The following UBA2 variants were observed in gnomAD, a reference collection of about 807,000 sequenced individuals.
The protein encoded by UBA2 is SUMO-activating enzyme subunit 2.
In UBA2, 11 loss-of-function variants were observed where a neutral mutation model predicts 77.2. The observed-to-expected ratio is 0.14, with a 90% CI of 0.09 to 0.24. The LOEUF is 0.24. Ranked by LOEUF, UBA2 falls within the 10% of genes least tolerant of loss-of-function variation. UBA2 has a pLI of 1.00. For synonymous variants in UBA2, 278 were observed against 276.7 expected, an observed-to-expected ratio of 1.00 and a Z score of -0.05; for missense variants, 487 against 781.7, an observed-to-expected ratio of 0.62 and a Z score of 4.50.
chr19:34,442,095 C>G (rs2075376567), intron 6 of UBA2, among the ~76,000 whole-genome samples: 1 of 151,622 alleles, frequency 6.6e-6, no homozygotes, highest in Admixed American at 6.6e-5. Context: ...ATTAGCAAGG[C>G]ATGGTGGCAC....
rs2075411776 is a variant in UBA2 at position 34,444,892 on chromosome 19, C to T, written c.650-108C>T. The T allele has an allele frequency of 4.5e-6, 5 of 1,117,586 alleles. No homozygotes were observed. The Admixed American group carries it at 1.2e-4, about 27-fold the overall frequency. The allele number at this position is 1,117,586 out of a possible 1,614,324, so 69.2% of individuals were successfully genotyped here. A position where few individuals can be genotyped will look rare whatever the true frequency, so the allele number is the denominator to read the frequency against. ...TATTCCTTGAACTCAGAATGTGTTGCATTTGGGGATTTCCATGAGTGACTT... is the reference window on the plus strand; with the variant it reads ...TATTCCTTGAACTCAGAATGTGTTGTATTTGGGGATTTCCATGAGTGACTT... On this transcript the variant is annotated intron_variant, in intron 7 of 16. Transcript: ENST00000246548.
intron 12 of UBA2, among the ~76,000 whole-genome samples, chr19:34,456,102 T>TTC (rs2075558220): frequency 2.3e-5 from 1 of 42,982 alleles, no homozygotes; most frequent in African/African-American, 6.2e-5. Context: ...TTCCTTTTCT[T>TTC]TTTCTTTTTT....
chr19:34,456,592 C>G (rs910136514), intron 12 of UBA2, among the ~76,000 whole-genome samples: 1 of 151,738 alleles, frequency 6.6e-6, no homozygotes, highest in East Asian at 1.9e-4. Flanking sequence ...GAGTCTTGCT[C>G]TGTCACCCAG....
chr19:34,431,483 T>A (rs1274894287), intron 2 of UBA2, among the ~76,000 whole-genome samples: 1 of 152,076 alleles, frequency 6.6e-6, no homozygotes, highest in Non-Finnish European at 1.5e-5. Flanking sequence ...TGTTATTTGA[T>A]TAATGTCTCT....
chr19:34,433,837 A>G (rs1407501610), intron 4 of UBA2, among the ~76,000 whole-genome samples: 3 of 152,206 alleles, frequency 2.0e-5, no homozygotes, highest in Non-Finnish European at 4.4e-5. Context: ...ATGTGCCTGT[A>G]GTCCCAGCTT....
chr19:34,447,559 T>C (rs555081375), intron 8 of UBA2, among the ~76,000 whole-genome samples: 4 of 152,368 alleles, frequency 2.6e-5, no homozygotes, highest in South Asian at 2.1e-4. Context: ...CAATCTGTTA[T>C]TTAGCAGATA....
chr19:34,463,585 T>C (rs909478490), intron 14 of UBA2, among the ~76,000 whole-genome samples: 71 of 152,080 alleles, frequency 4.7e-4, no homozygotes, highest in Non-Finnish European at 9.0e-4. Flanking sequence ...GATTGATTGA[T>C]TGATTGATTG....
chr19:34,460,598 A>G (rs377635921), intron 14 of UBA2, 32 bp downstream of exon 14: 2 of 1,454,518 alleles, frequency 1.4e-6, no homozygotes, highest in Non-Finnish European at 1.9e-6. Flanking sequence ...CATTCCTCTC[A>G]TTGAGGAGAC....
chr19:34,466,776 T>G, intron 15 of UBA2, 102 bp from the exon 16 acceptor site: 1 of 842,174 alleles, frequency 1.2e-6, no homozygotes, highest in Non-Finnish European at 1.8e-6. Flanking sequence ...ATCCACATAT[T>G]TGGTGTATAC....
At chr19:34,459,046 G>T in intron 13 of UBA2, 122 bp downstream of exon 13, 1 of 1,078,832 alleles carries the variant, frequency 9.3e-7, no homozygotes, top group South Asian at 2.3e-5. Context: ...GTGATTTCCT[G>T]GGTTATTTTG....
chr19:34,460,286 G>A (rs747845013), intron 13 of UBA2, among the ~76,000 whole-genome samples, 184 bp from the exon 14 acceptor site: 1 of 152,194 alleles, frequency 6.6e-6, no homozygotes, highest in Non-Finnish European at 1.5e-5. Flanking sequence ...GTGGTCAGAT[G>A]TGGGGATGGA....
At position 34,455,012 on chromosome 19, in the gene UBA2, G is replaced by T. The variant is rs773851430; in HGVS notation, c.1245+456G>T. On this transcript the variant is annotated intron_variant, in intron 12 of 16. Coordinates refer to ENST00000246548, the MANE Select transcript of UBA2 (RefSeq NM_005499.3). Reference sequence around the variant, plus strand: ...TCTGCTGTCATTTCTGCTATTTCTCGTAGTGATTTGCTTGTATGGTTTATG... The same window carrying T: ...TCTGCTGTCATTTCTGCTATTTCTCTTAGTGATTTGCTTGTATGGTTTATG... 2.6e-5 allele frequency among the ~76,000 whole-genome samples: 4 copies of T among 152,072 alleles called. No homozygotes were observed. The South Asian group carries it at 6.2e-4, about 24-fold the overall frequency.
At chr19:34,468,298 T>C (rs904234499) in intron 16 of UBA2, among the ~76,000 whole-genome samples, 2 of 152,232 alleles carry the variant, frequency 1.3e-5, no homozygotes, top group African/African-American at 2.4e-5. Context: ...GCCTGGGTCA[T>C]TGGTTCATAA....
chr19:34,430,443 TG>T, intron 1 of UBA2, 132 bp from the exon 2 acceptor site: 1 of 513,048 alleles, frequency 1.9e-6, no homozygotes, highest in Non-Finnish European at 3.5e-6. Context: ...AATTTTGGTA[TG>T]GCGATTCGAA....
At chr19:34,437,793 C>T (rs1008967680) in intron 5 of UBA2, among the ~76,000 whole-genome samples, 1 of 152,002 alleles carries the variant, frequency 6.6e-6, no homozygotes, top group African/African-American at 2.4e-5. Context: ...GTGGCTCACG[C>T]CTGTAATCCC....
At chr19:34,435,553 C>T (rs935683117) in intron 5 of UBA2, among the ~76,000 whole-genome samples, 2 of 148,376 alleles carry the variant, frequency 1.3e-5, no homozygotes, top group African/African-American at 5.0e-5. Context: ...GTGTCGGCTG[C>T]GTGCAGTGGC....
chr19:34,457,064 C>T (rs191740945), intron 12 of UBA2, among the ~76,000 whole-genome samples: 2 of 149,126 alleles, frequency 1.3e-5, no homozygotes, highest in African/African-American at 2.5e-5. Context: ...CACGATGGCT[C>T]ACACGTGTAA....
intron 7 of UBA2, 138 bp downstream of exon 7, chr19:34,444,049 T>G (rs200013492): frequency 0.029 from 7,261 of 250,526 alleles, 74 homozygotes; most frequent in African/African-American, 0.14. Context: ...TTTTTGTTTT[T>G]TTTTTTTTTT....
intron 8 of UBA2, among the ~76,000 whole-genome samples, chr19:34,449,065 CTTTTTTTTTT>C (rs11332668): frequency 4.9e-3 from 359 of 73,892 alleles, no homozygotes; most frequent in Middle Eastern, 0.026. Flanking sequence ...AAATATAAAT[CTTTTTTTTTT>C]TTTTTTTTTT....
Sources: allele counts gnomAD v4.1 joint callset (sites outside exome capture counted in the v4.1 genomes callset), GRCh38; gene constraint gnomAD v4.1.1; transcripts MANE v1.5; gene names NCBI Gene and HGNC (gene_info 2026-07-23, HGNC 2026-07-21).